Variants in SEPTIN10 observed in about 807,000 individuals in gnomAD.
SEPTIN10 encodes septin 10.
Under a neutral mutation model 54.8 loss-of-function variants are expected in SEPTIN10, and 66 were observed. The observed-to-expected ratio is 1.21, with a 90% confidence interval of 0.99 to 1.48. SEPTIN10 has a LOEUF of 1.48. Among genes scored for constraint, SEPTIN10 ranks in the 40% most tolerant of loss-of-function variants. The probability of loss-of-function intolerance (pLI) is 0.00; values close to 1 mark genes in which losing one functional copy is unlikely to be tolerated. For synonymous variants in SEPTIN10, 161 were observed against 181.0 expected, an observed-to-expected ratio of 0.89 and a Z score of 0.89; for missense variants, 620 against 545.6, an observed-to-expected ratio of 1.14 and a Z score of -1.36.
chr2:109,559,829 C>T (rs1685204337), intron 8 of SEPTIN10, among the ~76,000 whole-genome samples: 1 of 151,460 alleles, frequency 6.6e-6, no homozygotes, highest in African/African-American at 2.4e-5. Flanking sequence ...ACTCCCAGAG[C>T]TGGAACAAAA....
chr2:109,613,864 G>T lies in SEPTIN10; in HGVS notation c.-37C>A, dbSNP rs1699866013. The T allele has an allele frequency of 1.6e-6, 2 of 1,231,732 alleles. No individual in the cohort carries two copies. Among genetic ancestry groups the T allele is most frequent in the Non-Finnish European group, 2.0e-6 (2 of 988,348 alleles). The allele number at this position is 1,231,732 out of a possible 1,614,324, so 76.3% of individuals were successfully genotyped here. On this transcript the variant is annotated 5_prime_UTR_variant, in exon 1 of 11. It adds an upstream start codon to the 5' untranslated region. Transcript: ENST00000397712. ...GGGGCACGGTGAAGCGGCTGTATCAGCCCGGCCCCGAGCGGCTGGTCCCGG... is the reference window on the plus strand; with the variant it reads ...GGGGCACGGTGAAGCGGCTGTATCATCCCGGCCCCGAGCGGCTGGTCCCGG...
intron 2 of SEPTIN10, among the ~76,000 whole-genome samples, chr2:109,590,663 A>G (rs1057098557): frequency 1.3e-5 from 2 of 152,298 alleles, no homozygotes; most frequent in South Asian, 2.1e-4. Context: ...TCTTGACCTC[A>G]GGTGATCCAC....
intron 9 of SEPTIN10, among the ~76,000 whole-genome samples, chr2:109,548,863 G>C (rs1682080451): frequency 6.7e-6 from 1 of 150,260 alleles, no homozygotes; most frequent in Admixed American, 6.6e-5. Flanking sequence ...AAACCAGAGA[G>C]CTAAACTCTG....
rs1009789149 is a variant in SEPTIN10 at position 109,613,955 on chromosome 2, G to C, written c.-128C>G. The C allele has an allele frequency of 1.7e-6, 2 of 1,207,778 alleles. No individual in the cohort carries two copies. Among genetic ancestry groups the C allele is most frequent in the African/African-American group, 1.6e-5 (1 of 63,316 alleles). The allele number at this position is 1,207,778 out of a possible 1,614,324, so 74.8% of individuals were successfully genotyped here. On this transcript the variant is annotated 5_prime_UTR_variant, in exon 1 of 11. Transcript: ENST00000397712. ...GGGCGCGAGGCTAGGCTGCCTCCGC[G>C]ACGGGGAAGGGACAGGGGCGGGGCC...
chr2:109,594,770 A>C (rs1694944278), intron 1 of SEPTIN10: 1 of 152,254 alleles, frequency 6.6e-6, no homozygotes, highest in South Asian at 2.1e-4. Context: ...CAGTGAATAA[A>C]TCTTACAGAG....
At chr2:109,550,167 A>G (rs1422457175) in intron 9 of SEPTIN10, among the ~76,000 whole-genome samples, 3 of 151,732 alleles carry the variant, frequency 2.0e-5, no homozygotes, top group Non-Finnish European at 4.4e-5. Flanking sequence ...GCACATGCCT[A>G]TAATCCCAGC....
At chr2:109,603,668 A>G (rs1697193169) in intron 1 of SEPTIN10, among the ~76,000 whole-genome samples, 1 of 152,204 alleles carries the variant, frequency 6.6e-6, no homozygotes, top group South Asian at 2.1e-4. Context: ...CATACATACA[A>G]CTAAAAATCT....
chr2:109,564,659 A>T (rs58031484), intron 7 of SEPTIN10, 125 bp from the exon 8 acceptor site: 84,261 of 791,186 alleles, frequency 0.11, 5,377 homozygotes, highest in African/African-American at 0.26. Flanking sequence ...GATCAGTTTG[A>T]TTAACAGCTA....
intron 9 of SEPTIN10, among the ~76,000 whole-genome samples, chr2:109,548,860 A>T (rs1682078592): frequency 6.6e-6 from 1 of 151,756 alleles, no homozygotes; most frequent in African/African-American, 2.4e-5. Flanking sequence ...AAGAAACCAG[A>T]GAGCTAAACT....
At chr2:109,554,316 G>A (rs192999261) in intron 8 of SEPTIN10, among the ~76,000 whole-genome samples, 56 of 152,160 alleles carry the variant, frequency 3.7e-4, no homozygotes, top group African/African-American at 1.0e-3. Flanking sequence ...CTTTCACACC[G>A]CATTGCTTAT....
intron 4 of SEPTIN10, among the ~76,000 whole-genome samples, chr2:109,578,446 A>AG (rs1690239436): frequency 6.6e-6 from 1 of 152,176 alleles, no homozygotes; most frequent in African/African-American, 2.4e-5. Flanking sequence ...CTTCAGGATA[A>AG]AATAAAAATG....
chr2:109,609,451 T>C (rs1208239362), intron 1 of SEPTIN10, among the ~76,000 whole-genome samples: 1 of 152,004 alleles, frequency 6.6e-6, no homozygotes, highest in Non-Finnish European at 1.5e-5. Flanking sequence ...TAGGAGGTAC[T>C]GCAAGGTAGC....
chr2:109,574,596 C>G lies in SEPTIN10; in HGVS notation c.585G>C (p.Lys195Asn), dbSNP rs772502792. The change falls in exon 5 of 11, where the codon AAG becomes AAC. Residue 195 changes from lysine to asparagine, a missense_variant. Transcript: ENST00000397712. ...SLKTLDLLTMKNLDSKVNIIP... is the reference protein window; with the variant it reads ...SLKTLDLLTMNNLDSKVNIIP... ...CTCAACCCACCTTGCTGTCAAGGTT[C>G]TTCATGGTTAAGAGATCAAGTGTCT... is the stretch of plus-strand genomic sequence containing the variant. The G allele has an allele frequency of 6.4e-7, 1 of 1,556,666 alleles. No homozygotes were observed. The highest frequency in any genetic ancestry group is 8.7e-7 in the Non-Finnish European group (1 of 1,153,730).
intron 2 of SEPTIN10, among the ~76,000 whole-genome samples, chr2:109,591,563 C>T (rs2105922095): frequency 6.6e-6 from 1 of 152,276 alleles, no homozygotes; most frequent in Admixed American, 6.5e-5. Flanking sequence ...CAAGAGACTA[C>T]AGTTATTGGA....
intron 6 of SEPTIN10, among the ~76,000 whole-genome samples, chr2:109,566,472 T>TAATG (rs1687065437): frequency 6.6e-6 from 1 of 152,084 alleles, no homozygotes; most frequent in Non-Finnish European, 1.5e-5. Flanking sequence ...AAGACAAAGA[T>TAATG]AATGTTGAGG....
chr2:109,553,091 C>T lies in SEPTIN10; in HGVS notation c.1157G>A (p.Arg386Lys). ...ACATCAAACCAGCATACTTGCCTCT[C>T]TCTCAGCTTCTTTCAATATGGCTTC... ...EKEAILKEAE[R>K]ELQAKFEHLK... Residue 386 changes from arginine to lysine, a missense_variant, in exon 9 of 11, where the codon AGA (arginine) becomes AAA (lysine). Transcript: ENST00000397712. The T allele has an allele frequency of 6.2e-7, 1 of 1,612,056 alleles. No individual in the cohort carries two copies. Among genetic ancestry groups the T allele is most frequent in the Non-Finnish European group, 8.5e-7 (1 of 1,179,772 alleles).
intron 5 of SEPTIN10, among the ~76,000 whole-genome samples, chr2:109,572,134 T>G (rs1182430356): frequency 6.6e-6 from 1 of 151,784 alleles, no homozygotes; most frequent in Non-Finnish European, 1.5e-5. Context: ...CCCCACCTCT[T>G]TTTTTTTGTT....
chr2:109,547,881 A>G (rs1681719187), intron 9 of SEPTIN10, among the ~76,000 whole-genome samples: 1 of 152,210 alleles, frequency 6.6e-6, no homozygotes, highest in African/African-American at 2.4e-5. Flanking sequence ...CACCCTGGGT[A>G]GTTCTTTCTG....
At chr2:109,572,809 G>T (rs948225839) in intron 5 of SEPTIN10, among the ~76,000 whole-genome samples, 1 of 151,592 alleles carries the variant, frequency 6.6e-6, no homozygotes, top group Non-Finnish European at 1.5e-5. Context: ...TAGAGACAAG[G>T]TTTCACTATG....
Sources: allele counts gnomAD v4.1 joint callset (sites outside exome capture counted in the v4.1 genomes callset), GRCh38; gene constraint gnomAD v4.1.1; transcripts MANE v1.5; gene names NCBI Gene and HGNC (gene_info 2026-07-23, HGNC 2026-07-21).